Variants in ZNF467 observed in about 807,000 individuals in gnomAD.
The protein encoded by ZNF467 is zinc finger protein 467.
In ZNF467, 51 loss-of-function variants were observed where a neutral mutation model predicts 47.8. That is an observed-to-expected ratio of 1.07 (90% CI 0.85 to 1.35). ZNF467 has a LOEUF of 1.35. Ranked by LOEUF, ZNF467 falls within the 40% of genes most tolerant of loss-of-function variation. The pLI, the probability that ZNF467 is intolerant of heterozygous loss-of-function variation, is 0.00. For missense variants in ZNF467, 992 were observed against 858.1 expected (o/e 1.16, Z -1.95); for synonymous variants, 416 against 372.9 (o/e 1.12, Z -1.33).
At chr7:149,776,455 C>T (rs528225354), upstream of ZNF467, 12 of 1,343,176 alleles carry the variant, frequency 8.9e-6, no homozygotes, top group East Asian at 4.8e-5. Context: ...CCTGGGCTGG[C>T]GGCTGGACCT....
At chr7:149,768,362 A>C (rs1276262657) in intron 4 of ZNF467, among the ~76,000 whole-genome samples, 6 of 152,250 alleles carry the variant, frequency 3.9e-5, no homozygotes, top group South Asian at 4.1e-4. Context: ...AGTGTTGTAC[A>C]CACACTGTCA....
upstream of ZNF467, among the ~76,000 whole-genome samples, chr7:149,775,418 A>AC (rs1799546522): frequency 6.6e-6 from 1 of 152,148 alleles, no homozygotes; most frequent in Non-Finnish European, 1.5e-5. Flanking sequence ...GCAGGGGAGC[A>AC]TCATCCAGGC....
At chr7:149,770,577 G>A (rs776472226) in intron 2 of ZNF467, 21 bp from the exon 3 acceptor site, 4 of 1,592,856 alleles carry the variant, frequency 2.5e-6, no homozygotes, top group African/African-American at 2.7e-5. Context: ...CAGAAGGATG[G>A]GTCCAAGTAA....
chr7:149,770,187 AC>A (rs1799348825), intron 3 of ZNF467, among the ~76,000 whole-genome samples: 1 of 150,764 alleles, frequency 6.6e-6, no homozygotes, highest in African/African-American at 2.5e-5. Context: ...TTGTTTGCTG[AC>A]TCTCTGCACT....
chr7:149,765,089 C>G lies in ZNF467; in HGVS notation c.1413G>C (p.Arg471=), dbSNP rs780979696. The change falls in exon 5 of 5, where the codon CGG becomes CGC. Residue 471 remains arginine, a synonymous_variant. Coordinates refer to ENST00000302017, the MANE Select transcript of ZNF467 (RefSeq NM_207336.3). The part of the protein sequence containing the change: ...CTQCDRRFGS[R]PNLVAHSRAH... ...CCCTGGAGTGGGCGACCAGATTAGG[C>G]CGCGAGCCGAAGCGGCGGTCACACT... 3.1e-5 allele frequency: 45 copies of G among 1,469,884 alleles called. No homozygotes were observed. Among genetic ancestry groups the G allele is most frequent in the Admixed American group, 7.5e-5 (3 of 40,104 alleles). 91.1% of individuals were successfully genotyped at this position (1,469,884 alleles called of 1,614,324 possible). A position where few individuals can be genotyped will look rare whatever the true frequency, so the allele number is the denominator to read the frequency against.
upstream of ZNF467, chr7:149,776,012 C>T (rs749910849): frequency 7.3e-7 from 1 of 1,361,582 alleles, no homozygotes; most frequent in Non-Finnish European, 9.8e-7. Flanking sequence ...GCCTCACGTT[C>T]CCCAAAGGTG....
upstream of ZNF467, chr7:149,776,035 G>A (rs35458023): frequency 2.9e-6 from 4 of 1,365,168 alleles, no homozygotes; most frequent in South Asian, 2.3e-5. Context: ...CTGGGGGTGA[G>A]GGCACCATGC....
intron 2 of ZNF467, 49 bp downstream of exon 2, chr7:149,770,950 T>A: frequency 6.2e-7 from 1 of 1,613,600 alleles, no homozygotes; most frequent in Non-Finnish European, 8.5e-7. Flanking sequence ...TAGATGCCCC[T>A]GAATCCTCCT....
chr7:149,770,133 A>G (rs1009404612), intron 3 of ZNF467, among the ~76,000 whole-genome samples: 53 of 148,128 alleles, frequency 3.6e-4, no homozygotes, highest in African/African-American at 1.3e-3. Flanking sequence ...TCTCCCCCAG[A>G]GCTCTTATCA....
chr7:149,770,298 T>C (rs983156421), intron 3 of ZNF467, 142 bp downstream of exon 3: 21 of 565,194 alleles, frequency 3.7e-5, no homozygotes, highest in Non-Finnish European at 6.1e-5. Flanking sequence ...AGGTGCTCAA[T>C]AAATATTTGA....
In ZNF467 at chr7:149,764,652, C is replaced by A. The variant is rs758220150; in HGVS notation, c.*62G>T. ...CCCAGGTCGCCTTGCTCACCCCAGGCGGTCTCATGGCACGGGCCTCTCGAA... is the reference window on the plus strand; with the variant it reads ...CCCAGGTCGCCTTGCTCACCCCAGGAGGTCTCATGGCACGGGCCTCTCGAA... On this transcript the variant is annotated 3_prime_UTR_variant, in exon 5 of 5. Coordinates refer to ENST00000302017, the MANE Select transcript of ZNF467 (RefSeq NM_207336.3). The A allele has an allele frequency of 1.6e-5, 25 of 1,556,954 alleles. No homozygotes were observed. The Admixed American group carries it at 4.6e-4, about 29-fold the overall frequency.
intron 2 of ZNF467, 48 bp from the exon 3 acceptor site, chr7:149,770,604 C>T (rs531046727): frequency 1.3e-6 from 2 of 1,515,672 alleles, no homozygotes; most frequent in Non-Finnish European, 1.8e-6. Context: ...CAGTACAGAA[C>T]AAGTAATCAG....
Position 149,765,512 on chromosome 7 carries a change from G to A in ZNF467, c.990C>T (p.Pro330=), listed in dbSNP as rs750402756. The change falls in exon 5 of 5, where the codon CCC becomes CCT. Residue 330 remains proline, a synonymous_variant. Transcript: ENST00000302017. ...GAGGAGAAGCGGACGAGTCGGGAGA[G>A]GGCCTGGCCGGGCCGGCCGTCTGGT... ...RVHQTAGPAR[P]SPDSSASPHS... 1 of 1,579,154 alleles carries A rather than the reference G, an allele frequency of 6.3e-7. No homozygotes were observed. The highest frequency in any genetic ancestry group is 2.3e-5 in the East Asian group (1 of 43,594).
rs377079987 is a variant in ZNF467, at chr7:149,765,364, C to T, written c.1138G>A (p.Glu380Lys). 2.4e-5 allele frequency: 37 copies of T among 1,548,772 alleles called. No individual in the cohort carries two copies. In the African/African-American group the frequency reaches 4.1e-4, roughly 17 times the overall value. ...TCATCGCACCCAAAGGGGCGACCCTCGCTGCGGTGCAGACACTGGTGCGTG... is the reference window on the plus strand; with the variant it reads ...TCATCGCACCCAAAGGGGCGACCCTTGCTGCGGTGCAGACACTGGTGCGTG... ...LATHQCLHRS[E>K]GRPFGCDECA... The change falls in exon 5 of 5, where the codon GAG becomes AAG. Residue 380 changes from glutamate to lysine, a missense_variant. Transcript: ENST00000302017.
chr7:149,765,415 T>G lies in ZNF467; in HGVS notation c.1087A>C (p.Ser363Arg). The change falls in exon 5 of 5, where the codon AGC (serine) becomes CGC (arginine). Residue 363 changes from serine to arginine, a missense_variant. By Grantham distance (110) the Ser-to-Arg change is moderately radical. Coordinates refer to ENST00000302017, the MANE Select transcript of ZNF467 (RefSeq NM_207336.3). ...GCGAGGTTCTTTTTCCAGCCGAAGC[T>G]CAAGCCGCAGTCGGAGCACGCGAAA... is the stretch of plus-strand genomic sequence containing the variant. ...KPFACSDCGLSFGWKKNLATH... is the reference protein window; with the variant it reads ...KPFACSDCGLRFGWKKNLATH... 1 of 1,574,608 alleles carries G rather than the reference T, an allele frequency of 6.4e-7. No homozygotes were observed.
chr7:149,775,057 T>C (rs1412286469), upstream of ZNF467, among the ~76,000 whole-genome samples: 1 of 152,152 alleles, frequency 6.6e-6, no homozygotes, highest in African/African-American at 2.4e-5. Context: ...GATTCCCCTG[T>C]GGAGCCTGTC....
chr7:149,765,026 G>T lies in ZNF467; in HGVS notation c.1476C>A (p.Cys492Ter), dbSNP rs1376926912. 3 of 1,561,542 alleles carry T rather than the reference G, an allele frequency of 1.9e-6. No homozygotes were observed. In the African/African-American group the frequency reaches 4.1e-5, roughly 21 times the overall value. Residue 492 changes from cysteine to a stop codon, truncating the protein, a stop_gained, in exon 5 of 5, where the codon TGC becomes TGA. Coordinates refer to ENST00000302017, the MANE Select transcript of ZNF467 (RefSeq NM_207336.3). LOFTEE classifies it high-confidence loss of function. ...SGARPFACAQ[C>*]GRRFSRKSHL... ...GCGACTTGCGGCTGAAGCGGCGGCC[G>T]CACTGAGCGCAGGCGAAAGGCCTGG...
In ZNF467 at chr7:149,764,561, T is replaced by C. The variant is rs946360841; in HGVS notation, c.*153A>G. The C allele has an allele frequency of 2.4e-5, 33 of 1,373,362 alleles. No homozygotes were observed. Among genetic ancestry groups the C allele is most frequent in the Non-Finnish European group, 3.2e-5 (32 of 992,550 alleles). 85.1% of individuals were successfully genotyped at this position (1,373,362 alleles called of 1,614,324 possible). A position where few individuals can be genotyped will look rare whatever the true frequency, so the allele number is the denominator to read the frequency against. Reference sequence around the variant, plus strand: ...CCTAGGAGGTCCGAGCTGGGTATGCTGTGCGGACGCAGACACTGCGGGAAG... The same window carrying C: ...CCTAGGAGGTCCGAGCTGGGTATGCCGTGCGGACGCAGACACTGCGGGAAG... On this transcript the variant is annotated 3_prime_UTR_variant, in exon 5 of 5. Coordinates refer to ENST00000302017, the MANE Select transcript of ZNF467 (RefSeq NM_207336.3).
chr7:149,770,941 A>G, intron 2 of ZNF467, 58 bp downstream of exon 2: 2 of 1,611,356 alleles, frequency 1.2e-6, no homozygotes, highest in South Asian at 2.2e-5. Context: ...TCTGAGTTGT[A>G]GATGCCCCTG....
Sources: gnomAD v4.1 joint callset for allele counts (sites outside exome capture counted in the v4.1 genomes callset) on GRCh38, gnomAD v4.1.1 for gene constraint, MANE v1.5 for transcripts, NCBI Gene and HGNC (gene_info 2026-07-23, HGNC 2026-07-21) for gene names.